The following CNTNAP4 variants were observed in gnomAD, a reference collection of about 807,000 sequenced individuals.
CNTNAP4 encodes the protein contactin-associated protein-like 4.
CNTNAP4 carries 98 observed loss-of-function variants against 148.4 expected under a neutral mutation model. The ratio of observed to expected loss-of-function variants is 0.66; its 90% confidence interval spans 0.56 to 0.78. The LOEUF is 0.78. CNTNAP4 is among the 30% of genes least tolerant of loss of function. The pLI is 0.00. For missense variants in CNTNAP4, 1,935 were observed against 1,565.6 expected (o/e 1.24, Z -3.98); for synonymous variants, 730 against 565.1 (o/e 1.29, Z -4.14).
At chr16:76,481,643 TGAACA>T (rs888806092) in intron 12 of CNTNAP4, among the ~76,000 whole-genome samples, 76 of 152,284 alleles carry the variant, frequency 5.0e-4, no homozygotes, top group African/African-American at 1.8e-3. Flanking sequence ...AAAGTTACAA[TGAACA>T]GTGTTAGAAG....
At chr16:76,375,028 C>G (rs1015325627) in intron 3 of CNTNAP4, among the ~76,000 whole-genome samples, 1 of 152,058 alleles carries the variant, frequency 6.6e-6, no homozygotes, top group Non-Finnish European at 1.5e-5. Context: ...CTTGGCCTCC[C>G]AAAATGCTGG....
intron 1 of CNTNAP4, among the ~76,000 whole-genome samples, chr16:76,307,612 G>A (rs1258777937): frequency 1.3e-5 from 2 of 149,112 alleles, no homozygotes; most frequent in African/African-American, 5.0e-5. Flanking sequence ...AGGTGACATG[G>A]CGTCACATAT....
At chr16:76,405,794 G>A (rs1423029324) in intron 3 of CNTNAP4, among the ~76,000 whole-genome samples, 2 of 151,720 alleles carry the variant, frequency 1.3e-5, no homozygotes, top group African/African-American at 2.4e-5. Flanking sequence ...GGAAACATAT[G>A]CATAGCATGT....
At chr16:76,314,328 A>G (rs891543276) in intron 1 of CNTNAP4, among the ~76,000 whole-genome samples, 4 of 152,228 alleles carry the variant, frequency 2.6e-5, no homozygotes, top group African/African-American at 9.6e-5. Context: ...AGTGCAAAGC[A>G]AAAGCAAGTT....
chr16:76,353,300 G>T (rs1309729272), intron 2 of CNTNAP4, among the ~76,000 whole-genome samples: 1 of 152,192 alleles, frequency 6.6e-6, no homozygotes, highest in Non-Finnish European at 1.5e-5. Flanking sequence ...AATGCAAGCA[G>T]TCATTAGTGT....
intron 2 of CNTNAP4, among the ~76,000 whole-genome samples, chr16:76,349,808 A>C (rs1181182395): frequency 6.6e-6 from 1 of 151,968 alleles, no homozygotes; most frequent in Non-Finnish European, 1.5e-5. Context: ...TTACACTTTA[A>C]AATCTCGAGG....
chr16:76,281,983 A>G lies in CNTNAP4; in HGVS notation c.85+4236A>G, dbSNP rs531603492. ...TTGTTTACCCTCTTACTATGTAACT[A>G]CTTACATAAGATTCTTTACTCTCTG... On this transcript the variant is annotated intron_variant, in intron 1 of 23. Transcript: ENST00000611870. Among the ~76,000 whole-genome samples the G allele has an allele frequency of 3.9e-5, 6 of 152,040 alleles. No homozygotes were observed. The East Asian group carries it at 1.2e-3, about 29-fold the overall frequency.
At chr16:76,479,736 G>T (rs1250790938) in intron 12 of CNTNAP4, among the ~76,000 whole-genome samples, 198 bp downstream of exon 12, 1 of 151,970 alleles carries the variant, frequency 6.6e-6, no homozygotes, top group Non-Finnish European at 1.5e-5. Flanking sequence ...AATGCATGTG[G>T]CATCTGTGTA....
chr16:76,554,512 G>A (rs146945219), intron 23 of CNTNAP4, among the ~76,000 whole-genome samples: 6 of 152,014 alleles, frequency 3.9e-5, no homozygotes, highest in Non-Finnish European at 8.8e-5. Flanking sequence ...AACTTTTAAA[G>A]TATGTCTCCC....
At chr16:76,434,547 C>T (rs1344779005) in intron 4 of CNTNAP4, among the ~76,000 whole-genome samples, 1 of 152,226 alleles carries the variant, frequency 6.6e-6, no homozygotes, top group Admixed American at 6.5e-5. Context: ...CATCTGTCTT[C>T]TGCAGAGGCC....
At chr16:76,324,088 TAAG>T (rs1411368539) in intron 2 of CNTNAP4, among the ~76,000 whole-genome samples, 1 of 152,116 alleles carries the variant, frequency 6.6e-6, no homozygotes, top group East Asian at 1.9e-4. Flanking sequence ...AGTCCCTCAA[TAAG>T]AAGGTGAGGG....
intron 2 of CNTNAP4, among the ~76,000 whole-genome samples, chr16:76,319,479 C>G (rs1433711578): frequency 6.6e-6 from 1 of 152,124 alleles, no homozygotes; most frequent in Admixed American, 6.6e-5. Context: ...CACGTATGTG[C>G]TGTTTTGGGT....
At chr16:76,291,597 T>C (rs1959118199) in intron 1 of CNTNAP4, among the ~76,000 whole-genome samples, 1 of 152,222 alleles carries the variant, frequency 6.6e-6, no homozygotes, top group African/African-American at 2.4e-5. Flanking sequence ...TTCTCAAAAG[T>C]TGATTGTACA....
intron 15 of CNTNAP4, among the ~76,000 whole-genome samples, chr16:76,515,708 A>G (rs1219016174): frequency 6.6e-6 from 1 of 152,230 alleles, no homozygotes; most frequent in Non-Finnish European, 1.5e-5. Context: ...AAGAAAGCAC[A>G]TGAAATGATA....
At chr16:76,546,030 T>C (rs2084710494) in intron 21 of CNTNAP4, among the ~76,000 whole-genome samples, 1 of 142,412 alleles carries the variant, frequency 7.0e-6, no homozygotes, top group Non-Finnish European at 1.6e-5. Flanking sequence ...CAAGACTCCA[T>C]TTCAAAAAAA....
chr16:76,453,624 C>G (rs1048346000), intron 8 of CNTNAP4, among the ~76,000 whole-genome samples: 2 of 151,902 alleles, frequency 1.3e-5, no homozygotes, highest in African/African-American at 4.8e-5. Flanking sequence ...TGTACTACTC[C>G]TCTATATTAA....
chr16:76,322,132 A>C (rs143258140), intron 2 of CNTNAP4, among the ~76,000 whole-genome samples: 95 of 152,322 alleles, frequency 6.2e-4, no homozygotes, highest in Middle Eastern at 6.8e-3. Flanking sequence ...CGATGTGCTG[A>C]GAGTATGCCT....
At chr16:76,326,187 G>A (rs1461432033) in intron 2 of CNTNAP4, among the ~76,000 whole-genome samples, 1 of 152,182 alleles carries the variant, frequency 6.6e-6, no homozygotes, top group East Asian at 1.9e-4. Flanking sequence ...AAAATTAAAA[G>A]CCACTCTGTT....
rs768589950 is a variant in CNTNAP4, at chr16:76,427,507, C to T, written c.446C>T (p.Ser149Phe). 1 of 1,613,338 alleles carries T rather than the reference C, an allele frequency of 6.2e-7. No homozygotes were observed. The highest frequency in any genetic ancestry group is 1.3e-5 in the African/African-American group (1 of 75,016). Residue 149 changes from serine (S) to phenylalanine (F), a missense_variant, in exon 4 of 24, where the codon TCT (serine) becomes TTT (phenylalanine). Transcript: ENST00000611870. ...DSVVYYRLQP[S>F]IKARFLRFIP... The stretch of plus-strand genomic sequence containing the variant: ...GTTGTGTACTATAGACTCCAGCCTT[C>T]TATCAAAGCCAGATTTCTGCGCTTC...
Sources: allele counts gnomAD v4.1 joint callset (sites outside exome capture counted in the v4.1 genomes callset), GRCh38; gene constraint gnomAD v4.1.1; transcripts MANE v1.5; gene names NCBI Gene and HGNC (gene_info 2026-07-23, HGNC 2026-07-21).